Variants in DHX57 observed in about 807,000 individuals in gnomAD.
DHX57 encodes the protein DExH-box helicase 57, also known as putative ATP-dependent RNA helicase DHX57.
Under a neutral mutation model 156.2 loss-of-function variants are expected in DHX57, and 105 were observed. The ratio of observed to expected loss-of-function variants is 0.67; its 90% CI spans 0.57 to 0.79. The LOEUF (loss-of-function observed/expected upper bound fraction) is 0.79, where lower values mean the gene tolerates loss of function less well. Among genes scored for constraint, DHX57 ranks in the 30% least tolerant of loss-of-function variants. The pLI, the probability that DHX57 is intolerant of heterozygous loss-of-function variation, is 0.00. For synonymous variants in DHX57, 704 were observed against 595.6 expected, an observed-to-expected ratio of 1.18 and a Z score of -2.65; for missense variants, 1,847 against 1,661.9, an observed-to-expected ratio of 1.11 and a Z score of -1.94.
chr2:38,822,114 C>T (rs1473662686), intron 17 of DHX57, among the ~76,000 whole-genome samples: 4 of 151,970 alleles, frequency 2.6e-5, no homozygotes, highest in East Asian at 1.9e-4. Flanking sequence ...GACGGAATTT[C>T]GCTCTTGTTG....
intron 9 of DHX57, 150 bp from the exon 10 acceptor site, chr2:38,848,552 G>T: frequency 1.3e-6 from 1 of 755,188 alleles, no homozygotes; most frequent in Non-Finnish European, 2.0e-6. Context: ...CCTGTTCTTG[G>T]ATGTGAAGCC....
In DHX57 at chr2:38,829,517, G is replaced by A. The variant is rs898170369; in HGVS notation, c.2543-1081C>T. ...GAACTCCTGACCTCGTGATCTGCCC[G>A]CCTTGGCCTCCAAAAGTGCTGGGAT... On this transcript the variant is annotated intron_variant, in intron 13 of 23. Transcript: ENST00000457308. 3.5e-4 allele frequency among the ~76,000 whole-genome samples: 53 copies of A among 151,824 alleles called. 1 individual carries two copies. The highest frequency in any genetic ancestry group is 2.1e-3 in the Admixed American group (32 of 15,232).
chr2:38,852,908 T>C (rs1173953413), intron 9 of DHX57: 1 of 153,194 alleles, frequency 6.5e-6, no homozygotes. Flanking sequence ...CCTGTGCTAC[T>C]TTCCCCTTTG....
chr2:38,854,377 AT>A (rs1226535855), intron 8 of DHX57, 199 bp from the exon 9 acceptor site: 1 of 412,356 alleles, frequency 2.4e-6, no homozygotes, highest in Admixed American at 3.9e-5. Flanking sequence ...CAATGTTAAG[AT>A]TTTCATAAAA....
intron 17 of DHX57, among the ~76,000 whole-genome samples, chr2:38,822,488 G>C (rs1670874721): frequency 6.6e-6 from 1 of 151,932 alleles, no homozygotes. Context: ...CCGCCTCCCA[G>C]GTTCAAGCGA....
At chr2:38,832,409 A>C (rs1405883766) in intron 13 of DHX57, among the ~76,000 whole-genome samples, 1 of 152,114 alleles carries the variant, frequency 6.6e-6, no homozygotes, top group South Asian at 2.1e-4. Flanking sequence ...CTGCACCTCC[A>C]TTGCCTGGGT....
chr2:38,867,617 G>T (rs973128751), intron 2 of DHX57, among the ~76,000 whole-genome samples: 1 of 152,118 alleles, frequency 6.6e-6, no homozygotes, highest in Non-Finnish European at 1.5e-5. Flanking sequence ...GGAGTGCAGT[G>T]GTGTGATCTC....
intron 20 of DHX57, among the ~76,000 whole-genome samples, chr2:38,814,523 C>G (rs1367270275): frequency 1.3e-5 from 2 of 152,178 alleles, no homozygotes; most frequent in African/African-American, 4.8e-5. Context: ...AAAGTGCTAA[C>G]TGCACTCGGA....
chr2:38,837,988 C>T, intron 12 of DHX57, 41 bp from the exon 13 acceptor site: 1 of 1,278,486 alleles, frequency 7.8e-7, no homozygotes, highest in Non-Finnish European at 1.1e-6. Flanking sequence ...ATATTTATAC[C>T]TTGTTGATGT....
intron 22 of DHX57, among the ~76,000 whole-genome samples, chr2:38,803,197 C>T (rs1210130751): frequency 2.0e-5 from 3 of 151,880 alleles, no homozygotes; most frequent in African/African-American, 4.8e-5. Context: ...AGGCTGGTCT[C>T]GAACTCCTGG....
intron 21 of DHX57, chr2:38,811,274 G>T: frequency 1.9e-6 from 1 of 517,622 alleles, no homozygotes; most frequent in Non-Finnish European, 3.8e-6. Context: ...GGGGGCCAGC[G>T]AGTAGCAGGC....
At chr2:38,870,947 A>G (rs917307106) in intron 1 of DHX57, among the ~76,000 whole-genome samples, 5 of 152,154 alleles carry the variant, frequency 3.3e-5, no homozygotes, top group African/African-American at 7.2e-5. Flanking sequence ...CAGAAAAGCT[A>G]TCTTTCAAAA....
At chr2:38,798,521 G>A (rs765227064) in intron 23 of DHX57, 79 bp from the exon 24 acceptor site, 33 of 1,441,672 alleles carry the variant, frequency 2.3e-5, no homozygotes, top group Non-Finnish European at 3.0e-5. Context: ...CCCAAGTTAT[G>A]ATTACCATTA....
Position 38,861,799 on chromosome 2 carries a change from C to T in DHX57, c.611G>A (p.Arg204Lys), listed in dbSNP as rs780085725. The change falls in exon 5 of 24, where the codon AGG becomes AAG. Residue 204 changes from arginine to lysine, a missense_variant. Physicochemically the swap from Arg to Lys is conservative, Grantham distance 26. Coordinates refer to ENST00000457308, the MANE Select transcript of DHX57 (RefSeq NM_198963.3). ...TGCTCCCACATCTCCATCACACATC[C>T]TCAGGACCGCTTGACAGCGTTCAGT... ...FNTERCQAVLRMCDGDVGASL... is the reference protein window; with the variant it reads ...FNTERCQAVLKMCDGDVGASL... 4 of 1,612,812 alleles carry T rather than the reference C, an allele frequency of 2.5e-6. No individual in the cohort carries two copies. The East Asian group carries it at 6.7e-5, about 27-fold the overall frequency.
intron 17 of DHX57, 140 bp downstream of exon 17, chr2:38,822,853 G>T: frequency 4.9e-6 from 4 of 817,992 alleles, no homozygotes; most frequent in Admixed American, 2.9e-5. Flanking sequence ...TCCCTCCCAT[G>T]CAGATGTGCC....
chr2:38,859,281 G>A (rs939656300), intron 5 of DHX57, among the ~76,000 whole-genome samples: 5 of 152,152 alleles, frequency 3.3e-5, no homozygotes, highest in African/African-American at 1.2e-4. Context: ...ATCTCAAAAA[G>A]CTGCATATTG....
chr2:38,841,362 T>C (rs1434980147), intron 12 of DHX57, among the ~76,000 whole-genome samples: 1 of 152,208 alleles, frequency 6.6e-6, no homozygotes, highest in African/African-American at 2.4e-5. Context: ...TCAAGATCAT[T>C]AGCTGGTTTT....
rs1335142267 is a variant in DHX57 at position 38,837,813 on chromosome 2, T to C, written c.2542+18A>G. Reference sequence around the variant, plus strand: ...AGTGTTTCAATTGTCATTCAAGCCTTAATAAAGAAGCAGTTACCTGGAGGG... The same window carrying C: ...AGTGTTTCAATTGTCATTCAAGCCTCAATAAAGAAGCAGTTACCTGGAGGG... On this transcript the variant is annotated intron_variant, in intron 13 of 23. Coordinates refer to ENST00000457308, the MANE Select transcript of DHX57 (RefSeq NM_198963.3). The C allele has an allele frequency of 8.3e-6, 12 of 1,450,296 alleles. No homozygotes were observed. The highest frequency in any genetic ancestry group is 1.2e-5 in the Non-Finnish European group (12 of 1,032,288). 89.8% of individuals were successfully genotyped at this position (1,450,296 alleles called of 1,614,324 possible).
chr2:38,869,333 A>G (rs1465443410), intron 1 of DHX57, among the ~76,000 whole-genome samples: 2 of 152,200 alleles, frequency 1.3e-5, no homozygotes, highest in African/African-American at 2.4e-5. Flanking sequence ...GCTTTCAAGA[A>G]TAGTGAGGTT....
Sources: allele counts gnomAD v4.1 joint callset (sites outside exome capture counted in the v4.1 genomes callset), GRCh38; gene constraint gnomAD v4.1.1; transcripts MANE v1.5; gene names NCBI Gene and HGNC (gene_info 2026-07-23, HGNC 2026-07-21).